The following EIF3D variants were observed in gnomAD, a reference collection of about 807,000 sequenced individuals.
EIF3D encodes eIF3 p66.
EIF3D carries 10 observed loss-of-function variants against 75.4 expected under a neutral mutation model. The ratio of observed to expected loss-of-function variants is 0.13; its 90% CI spans 0.08 to 0.22. The LOEUF is 0.22. EIF3D is among the 10% of genes least tolerant of loss of function. EIF3D has a pLI of 1.00. For missense variants in EIF3D, 394 were observed against 708.0 expected, an observed-to-expected ratio of 0.56 and a Z score of 5.03; for synonymous variants, 246 against 248.3, an observed-to-expected ratio of 0.99 and a Z score of 0.09.
At chr22:36,521,725 G>A (rs1200765388) in intron 6 of EIF3D, among the ~76,000 whole-genome samples, 2 of 144,408 alleles carry the variant, frequency 1.4e-5, no homozygotes, top group Non-Finnish European at 3.0e-5. Context: ...TCAGGAGTTT[G>A]AAACCAGCCG....
chr22:36,526,106 T>C lies in EIF3D; in HGVS notation c.16A>G (p.Thr6Ala). The C allele has an allele frequency of 6.2e-7, 1 of 1,606,724 alleles. No individual in the cohort carries two copies. The highest frequency in any genetic ancestry group is 1.3e-5 in the African/African-American group (1 of 74,666). MAKFM[T>A]PVIQDNPSGW... Reference sequence around the variant, plus strand: ...GAGGGGTTGTCCTGGATCACGGGTGTCATGAACTTTGCCATCTTCCAAAAT... The same window carrying C: ...GAGGGGTTGTCCTGGATCACGGGTGCCATGAACTTTGCCATCTTCCAAAAT... The change falls in exon 2 of 15, where the codon ACA becomes GCA. Residue 6 changes from threonine (T) to alanine (A), a missense_variant. Physicochemically the swap from Thr to Ala is moderately conservative, Grantham distance 58. Coordinates refer to ENST00000216190, the MANE Select transcript of EIF3D (RefSeq NM_003753.4).
rs1414742916 is a variant in EIF3D at position 36,519,429 on chromosome 22, G to T, written c.687C>A (p.Thr229=). The change falls in exon 8 of 15, where the codon ACC becomes ACA. Residue 229 remains threonine (T), a synonymous_variant. Coordinates refer to ENST00000216190, the MANE Select transcript of EIF3D (RefSeq NM_003753.4). ...CCTTGCGGATGACAGGGTCGTCTGT[G>T]GTGGTGACAGTGTGGAAGATGCGCT... ...SIKRIFHTVT[T]TDDPVIRKLA... 6.2e-7 allele frequency: 1 copy of T among 1,614,068 alleles called. No homozygotes were observed. The highest frequency in any genetic ancestry group is 8.5e-7 in the Non-Finnish European group (1 of 1,180,052).
chr22:36,518,960 C>T, intron 8 of EIF3D, 50 bp from the exon 9 acceptor site: 1 of 1,602,592 alleles, frequency 6.2e-7, no homozygotes, highest in Non-Finnish European at 8.5e-7. Context: ...CCAGGTCTCA[C>T]TGCCCACTCA....
At position 36,529,146 on chromosome 22, in the gene EIF3D, C is replaced by T. The variant is rs1034306338; in HGVS notation, c.-81G>A. 3 of 396,764 alleles carry T rather than the reference C, an allele frequency of 7.6e-6. No individual in the cohort carries two copies. The highest frequency in any genetic ancestry group is 6.2e-5 in the African/African-American group (3 of 48,596). 24.6% of individuals were successfully genotyped at this position (396,764 alleles called of 1,614,324 possible). A position where few individuals can be genotyped will look rare whatever the true frequency, so the allele number is the denominator to read the frequency against. On this transcript the variant is annotated 5_prime_UTR_variant, in exon 1 of 15. Transcript: ENST00000216190. ...CGGGGACCGCGTTAGCAGCAGCACTCTTGAGAAACCAGGAAAAGAGGAAAC... is the reference window on the plus strand; with the variant it reads ...CGGGGACCGCGTTAGCAGCAGCACTTTTGAGAAACCAGGAAAAGAGGAAAC...
At chr22:36,528,572 C>T (rs1430117016) in intron 1 of EIF3D, among the ~76,000 whole-genome samples, 2 of 138,242 alleles carry the variant, frequency 1.4e-5, no homozygotes, top group Non-Finnish European at 3.0e-5. Flanking sequence ...CACTACAGAT[C>T]ATAAGCCGTC....
chr22:36,516,836 A>G lies in EIF3D; in HGVS notation c.991-46T>C, dbSNP rs201265305. On this transcript the variant is annotated intron_variant, in intron 10 of 14. Transcript: ENST00000216190. ...CAAGACAGAGCTAACTTTGTTGACA[A>G]GGCCAAGGCCAATCAGTCAGACCCA... The G allele has an allele frequency of 2.2e-5, 34 of 1,554,394 alleles. No homozygotes were observed. In the East Asian group the frequency reaches 4.9e-4, roughly 23 times the overall value.
At chr22:36,517,029 G>C in intron 10 of EIF3D, 1 of 611,432 alleles carries the variant, frequency 1.6e-6, no homozygotes. Context: ...TTTTGCCATG[G>C]CATATATTCA....
intron 12 of EIF3D, chr22:36,516,081 G>A (rs985233887): frequency 6.0e-6 from 1 of 167,478 alleles, no homozygotes; most frequent in African/African-American, 2.4e-5. Flanking sequence ...TGAAAGAAGA[G>A]GTCAAAAAGA....
intron 12 of EIF3D, among the ~76,000 whole-genome samples, chr22:36,513,893 T>G (rs1190050541): frequency 6.6e-6 from 1 of 152,230 alleles, no homozygotes; most frequent in Non-Finnish European, 1.5e-5. Flanking sequence ...CAATCTGCAC[T>G]GCTGATGAAG....
intron 12 of EIF3D, 116 bp from the exon 13 acceptor site, chr22:36,512,718 C>T (rs766958513): frequency 4.9e-5 from 58 of 1,190,836 alleles, no homozygotes; most frequent in East Asian, 3.6e-4. Flanking sequence ...TGGGTAGGTA[C>T]GCACTAAATC....
At chr22:36,513,263 C>T (rs1934370364) in intron 12 of EIF3D, among the ~76,000 whole-genome samples, 1 of 152,198 alleles carries the variant, frequency 6.6e-6, no homozygotes, top group South Asian at 2.1e-4. Flanking sequence ...TCATGGCAAA[C>T]ACAGGGCAAA....
chr22:36,528,420 G>T (rs78604521), intron 1 of EIF3D, among the ~76,000 whole-genome samples: 27,927 of 148,088 alleles, frequency 0.19, 2,659 homozygotes, highest in Admixed American at 0.22. Context: ...TTTAATAAAT[G>T]TTTTTTTTTT....
Position 36,512,845 on chromosome 22 carries a change from A to G in EIF3D, c.1207-243T>C. The stretch of plus-strand genomic sequence containing the variant: ...AGCTCGCCTAGACAGGGAATGATGG[A>G]TGGACACACACGGACACACACACAC... On this transcript the variant is annotated intron_variant, in intron 12 of 14. Transcript: ENST00000216190. The G allele has an allele frequency of 6.5e-6, 3 of 459,986 alleles. No homozygotes were observed. The South Asian group carries it at 7.3e-5, about 11-fold the overall frequency. 28.5% of individuals were successfully genotyped at this position (459,986 alleles called of 1,614,324 possible).
intron 14 of EIF3D, among the ~76,000 whole-genome samples, 165 bp downstream of exon 14, chr22:36,511,338 A>G (rs1453253737): frequency 6.6e-6 from 1 of 152,124 alleles, no homozygotes; most frequent in African/African-American, 2.4e-5. Context: ...TGTGATCTAA[A>G]GGCTCTAGAA....
intron 4 of EIF3D, 115 bp from the exon 5 acceptor site, chr22:36,524,095 T>A (rs1934558140): frequency 9.8e-7 from 1 of 1,021,712 alleles, no homozygotes; most frequent in Non-Finnish European, 1.5e-6. Context: ...AAGTTTCACA[T>A]CTTACTCTGT....
At chr22:36,515,720 A>G (rs1293835353) in intron 12 of EIF3D, among the ~76,000 whole-genome samples, 2 of 152,192 alleles carry the variant, frequency 1.3e-5, no homozygotes, top group African/African-American at 4.8e-5. Context: ...GACGACATGC[A>G]AACGGAACAG....
chr22:36,521,341 C>T (rs1934509222), intron 6 of EIF3D, among the ~76,000 whole-genome samples: 1 of 152,148 alleles, frequency 6.6e-6, no homozygotes, highest in African/African-American at 2.4e-5. Flanking sequence ...AATGGGGTTC[C>T]ACTCCCAGGT....
chr22:36,526,414 T>C (rs7364232), intron 1 of EIF3D, among the ~76,000 whole-genome samples: 13,206 of 152,202 alleles, frequency 0.087, 660 homozygotes, highest in African/African-American at 0.14. Context: ...GCACCTTGTG[T>C]TTGACAGGGT....
chr22:36,516,909 T>TGG, intron 10 of EIF3D, 119 bp from the exon 11 acceptor site: 1 of 915,844 alleles, frequency 1.1e-6, no homozygotes, highest in Non-Finnish European at 1.8e-6. Context: ...GGGCCCTTGA[T>TGG]GGGGCTCTGA....
Sources: gnomAD v4.1 joint callset for allele counts (sites outside exome capture counted in the v4.1 genomes callset) on GRCh38, gnomAD v4.1.1 for gene constraint, MANE v1.5 for transcripts, NCBI Gene and HGNC (gene_info 2026-07-23, HGNC 2026-07-21) for gene names.